Variants in PDIA3 observed in about 807,000 individuals in gnomAD.
PDIA3 encodes protein disulfide-isomerase A3.
A neutral mutation model predicts 56.9 loss-of-function variants in PDIA3; 16 were observed. That is an observed-to-expected ratio of 0.28 (90% CI 0.19 to 0.43). The LOEUF is 0.43. Ranked by LOEUF, PDIA3 falls within the 20% of genes least tolerant of loss-of-function variation. The pLI is 1.00. For missense variants in PDIA3, 485 were observed against 621.3 expected (o/e 0.78, Z 2.33); for synonymous variants, 192 against 216.5 (o/e 0.89, Z 0.99).
intron 5 of PDIA3, among the ~76,000 whole-genome samples, chr15:43,764,582 C>G (rs1414296350): frequency 6.6e-6 from 1 of 152,124 alleles, no homozygotes; most frequent in Non-Finnish European, 1.5e-5. Flanking sequence ...ATTCTCCTGC[C>G]TCAGCCTCCT....
At chr15:43,747,559 T>G (rs1284917785) in intron 1 of PDIA3, among the ~76,000 whole-genome samples, 2 of 144,084 alleles carry the variant, frequency 1.4e-5, no homozygotes, top group Non-Finnish European at 3.1e-5. Flanking sequence ...TGAGTGTTTG[T>G]TTTTTTTTTT....
chr15:43,764,087 G>T (rs145165529), intron 5 of PDIA3, among the ~76,000 whole-genome samples: 48 of 152,310 alleles, frequency 3.2e-4, no homozygotes, highest in African/African-American at 2.4e-5. Flanking sequence ...AAGACTTTGG[G>T]CTGGGGAGTA....
chr15:43,770,644 T>C lies in PDIA3; in HGVS notation c.1404+64T>C, dbSNP rs16961830. The C allele has an allele frequency of 4.1e-3, 4,263 of 1,035,962 alleles. 127 individuals carry two copies. The African/African-American group carries it at 0.062, about 15-fold the overall frequency. 64.2% of individuals were successfully genotyped at this position (1,035,962 alleles called of 1,614,324 possible). A position where few individuals can be genotyped will look rare whatever the true frequency, so the allele number is the denominator to read the frequency against. ...AGACGTAAACACACAACCTTAAACATAGTTCTTTAATTGGGTTTATTTATT... is the reference window on the plus strand; with the variant it reads ...AGACGTAAACACACAACCTTAAACACAGTTCTTTAATTGGGTTTATTTATT... On this transcript the variant is annotated intron_variant, in intron 12 of 12. Transcript: ENST00000300289.
intron 1 of PDIA3, among the ~76,000 whole-genome samples, chr15:43,747,573 TTG>T (rs541025785): frequency 4.0e-5 from 6 of 151,484 alleles, no homozygotes; most frequent in East Asian, 1.9e-4. Context: ...TTTTTTTTAT[TTG>T]TGTGTGTGTG....
At chr15:43,749,185 C>G (rs770777351) in intron 1 of PDIA3, among the ~76,000 whole-genome samples, 1 of 151,238 alleles carries the variant, frequency 6.6e-6, no homozygotes, top group Non-Finnish European at 1.5e-5. Flanking sequence ...CCTCCGCCTC[C>G]CGTGTTCAAG....
chr15:43,755,611 A>G (rs918184734), intron 2 of PDIA3, among the ~76,000 whole-genome samples: 3 of 152,144 alleles, frequency 2.0e-5, no homozygotes, highest in African/African-American at 4.8e-5. Flanking sequence ...GCAGCTTGCC[A>G]TAGGAAAAAA....
rs765451171 is a variant in PDIA3, at chr15:43,761,546, T to G, written c.472+15T>G. 4 of 1,247,856 alleles carry G rather than the reference T, an allele frequency of 3.2e-6. No individual in the cohort carries two copies. The South Asian group carries it at 3.7e-5, about 12-fold the overall frequency. The allele number at this position is 1,247,856 out of a possible 1,614,324, so 77.3% of individuals were successfully genotyped here. ...CTCTATAGTAGGTAAGTAGCAAATA[T>G]TAAACCGTGCCACAGAATTGTCAGT... is the stretch of plus-strand genomic sequence containing the variant. On this transcript the variant is annotated intron_variant, in intron 4 of 12. Coordinates refer to ENST00000300289, the MANE Select transcript of PDIA3 (RefSeq NM_005313.5).
At chr15:43,761,951 T>C (rs1456771128) in intron 4 of PDIA3, among the ~76,000 whole-genome samples, 2 of 152,122 alleles carry the variant, frequency 1.3e-5, no homozygotes, top group Non-Finnish European at 2.9e-5. Context: ...AAGATACAAG[T>C]AAATAATAAA....
intron 1 of PDIA3, chr15:43,751,700 A>G (rs2086745306): frequency 1.5e-6 from 2 of 1,303,092 alleles, no homozygotes; most frequent in Non-Finnish European, 2.0e-6. Flanking sequence ...TTTTAGTCCC[A>G]GCCTTGCAGC....
chr15:43,766,153 A>T (rs77356970), intron 7 of PDIA3, 141 bp downstream of exon 7: 1 of 598,676 alleles, frequency 1.7e-6, no homozygotes, highest in Non-Finnish European at 2.6e-6. Context: ...AAAAAAAAAA[A>T]TTAAAGTAAC....
Position 43,771,130 on chromosome 15 carries a change from T to C in PDIA3, c.1430T>C (p.Ile477Thr), listed in dbSNP as rs772394665. Reference sequence around the variant, plus strand: ...GGTGGCCGTGAATTAAGTGATTTTATTAGCTATCTACAAAGAGAAGCTACA... The same window carrying C: ...GGTGGCCGTGAATTAAGTGATTTTACTAGCTATCTACAAAGAGAAGCTACA... Reference protein sequence around the residue: ...YEGGRELSDFISYLQREATNP... With the variant: ...YEGGRELSDFTSYLQREATNP... The change falls in exon 13 of 13, where the codon ATT becomes ACT. Residue 477 changes from isoleucine (I) to threonine (T), a missense_variant. Physicochemically the swap from Ile to Thr is moderately conservative, Grantham distance 89. Transcript: ENST00000300289. 1.2e-6 allele frequency: 2 copies of C among 1,612,630 alleles called. No homozygotes were observed. Among genetic ancestry groups the C allele is most frequent in the Non-Finnish European group, 1.7e-6 (2 of 1,179,244 alleles).
intron 8 of PDIA3, among the ~76,000 whole-genome samples, 176 bp from the exon 9 acceptor site, chr15:43,768,313 G>A (rs190939605): frequency 6.6e-6 from 1 of 152,284 alleles, no homozygotes; most frequent in African/African-American, 2.4e-5. Flanking sequence ...GAACACACTA[G>A]AAATAAAAGG....
intron 1 of PDIA3, among the ~76,000 whole-genome samples, chr15:43,753,209 C>G (rs1256987660): frequency 6.6e-6 from 1 of 152,038 alleles, no homozygotes; most frequent in Non-Finnish European, 1.5e-5. Flanking sequence ...TCCCGATTAG[C>G]TTTGATTACA....
At chr15:43,751,835 C>G in intron 1 of PDIA3, 1 of 1,002,742 alleles carries the variant, frequency 1.0e-6, no homozygotes, top group South Asian at 1.4e-5. Context: ...CACCTACTGG[C>G]TTGACCTAGT....
chr15:43,771,056 C>A (rs751180425), intron 12 of PDIA3, 49 bp from the exon 13 acceptor site: 3 of 1,265,800 alleles, frequency 2.4e-6, no homozygotes, highest in Non-Finnish European at 1.1e-6. Flanking sequence ...TGGGGCAGAT[C>A]AGGGTTCTTT....
intron 1 of PDIA3, among the ~76,000 whole-genome samples, chr15:43,753,528 G>A (rs1019351336): frequency 1.4e-4 from 21 of 152,094 alleles, no homozygotes; most frequent in Non-Finnish European, 2.1e-4. Context: ...ATAATGTGGC[G>A]TACACCTTTG....
intron 8 of PDIA3, among the ~76,000 whole-genome samples, chr15:43,767,695 G>A (rs953793232): frequency 1.3e-4 from 20 of 150,476 alleles, no homozygotes; most frequent in African/African-American, 4.6e-4. Context: ...ACTTGAACCC[G>A]GGAGGAAGAG....
chr15:43,753,866 A>G lies in PDIA3; in HGVS notation c.210A>G (p.Ala70=), dbSNP rs1303683239. The G allele has an allele frequency of 6.2e-7, 1 of 1,613,850 alleles. No individual in the cohort carries two copies. The highest frequency in any genetic ancestry group is 8.5e-7 in the Non-Finnish European group (1 of 1,179,726). The part of the protein sequence containing the change: ...CKRLAPEYEA[A]ATRLKGIVPL... ...GACTTGCACCTGAGTATGAAGCTGC[A>G]GCTACCAGATTAAAAGGAATAGTCC... The change falls in exon 2 of 13, where the codon GCA becomes GCG. Residue 70 remains alanine (A), a synonymous_variant. Coordinates refer to ENST00000300289, the MANE Select transcript of PDIA3 (RefSeq NM_005313.5).
chr15:43,763,215 C>T lies in PDIA3; in HGVS notation c.602+9C>T. 1 of 1,612,698 alleles carries T rather than the reference C, an allele frequency of 6.2e-7. No individual in the cohort carries two copies. The highest frequency in any genetic ancestry group is 1.1e-5 in the South Asian group (1 of 91,000). On this transcript the variant is annotated intron_variant, in intron 5 of 12. Coordinates refer to ENST00000300289, the MANE Select transcript of PDIA3 (RefSeq NM_005313.5). ...TATGATGATAATGGAGAGTAAGTGA[C>T]TGAGTTGAATCTCCTGACCAAGTAT...
Sources: allele counts gnomAD v4.1 joint callset (sites outside exome capture counted in the v4.1 genomes callset), GRCh38; gene constraint gnomAD v4.1.1; transcripts MANE v1.5; gene names NCBI Gene and HGNC (gene_info 2026-07-23, HGNC 2026-07-21).